Variants in SORBS2 observed in about 807,000 individuals in gnomAD.
The protein encoded by SORBS2 is sorbin and SH3 domain containing 2.
A neutral mutation model predicts 97.7 loss-of-function variants in SORBS2; 46 were observed. That is an observed-to-expected ratio of 0.47 (90% confidence interval 0.37 to 0.60). The LOEUF is 0.60. SORBS2 is among the 20% of genes least tolerant of loss of function. The probability of loss-of-function intolerance (pLI) is 0.00; values close to 1 mark genes in which losing one functional copy is unlikely to be tolerated. For missense variants in SORBS2, 1,316 were observed against 1,282.3 expected (o/e 1.03, Z -0.40); for synonymous variants, 476 against 473.4 (o/e 1.01, Z -0.07).
chr4:185,588,606 C>CCCT lies in SORBS2; in HGVS notation c.2954-921_2954-919dup, dbSNP rs769971016. Among the ~76,000 whole-genome samples, 123 of 150,904 alleles carry CCCT rather than the reference C, an allele frequency of 8.2e-4. 2 individuals carry two copies. The East Asian group carries it at 0.017, about 20-fold the overall frequency. ...TACGTTTCTCCTCCCTCCTCCTCCT[C>CCCT]CCTCCTCCTCCTCCTCCTTGTTTTT... On this transcript the variant is annotated intron_variant, in intron 14 of 14. Transcript: ENST00000418609.
chr4:185,924,590 C>T (rs1194392376), intron 1 of SORBS2, among the ~76,000 whole-genome samples: 1 of 152,176 alleles, frequency 6.6e-6, no homozygotes, highest in Non-Finnish European at 1.5e-5. Context: ...CATAACCCCA[C>T]GTGTGTAGAA....
intron 1 of SORBS2, among the ~76,000 whole-genome samples, chr4:185,905,906 CACA>C (rs1331984861): frequency 6.6e-6 from 1 of 152,228 alleles, no homozygotes; most frequent in Non-Finnish European, 1.5e-5. Flanking sequence ...TGAGAATCAA[CACA>C]ATCTCCTCTG....
chr4:185,908,079 C>T (rs549256421), intron 1 of SORBS2, among the ~76,000 whole-genome samples: 5 of 151,846 alleles, frequency 3.3e-5, no homozygotes, highest in Non-Finnish European at 5.9e-5. Flanking sequence ...GCACATTCTC[C>T]CAAAACAAGC....
At chr4:185,701,648 T>C (rs1162878228) in intron 2 of SORBS2, among the ~76,000 whole-genome samples, 1 of 152,226 alleles carries the variant, frequency 6.6e-6, no homozygotes, top group African/African-American at 2.4e-5. Context: ...AATGTTAACA[T>C]GAACTATTAT....
At chr4:185,857,120 G>A (rs1414533159) in intron 1 of SORBS2, among the ~76,000 whole-genome samples, 1 of 152,204 alleles carries the variant, frequency 6.6e-6, no homozygotes, top group Non-Finnish European at 1.5e-5. Context: ...CATGATGATG[G>A]ACTGGTGGCT....
chr4:185,911,930 G>C (rs1444305827), intron 1 of SORBS2, among the ~76,000 whole-genome samples: 2 of 152,184 alleles, frequency 1.3e-5, no homozygotes, highest in Non-Finnish European at 2.9e-5. Flanking sequence ...GCAGGGCACA[G>C]ATAAGAAATG....
chr4:185,638,839 G>A, intron 4 of SORBS2, 38 bp downstream of exon 14: 2 of 1,420,970 alleles, frequency 1.4e-6, no homozygotes, highest in Admixed American at 6.9e-5. Flanking sequence ...CTGCACCTCT[G>A]CCGGGCATGA....
chr4:185,721,127 C>T (rs1195820665), intron 2 of SORBS2, among the ~76,000 whole-genome samples: 2 of 133,300 alleles, frequency 1.5e-5, no homozygotes, highest in South Asian at 2.4e-4. Flanking sequence ...CTCACTCTGT[C>T]GCCCTGGCTG....
intron 1 of SORBS2, among the ~76,000 whole-genome samples, chr4:185,953,414 T>C (rs2310370): frequency 0.49 from 74,615 of 152,114 alleles, 18,907 homozygotes; most frequent in East Asian, 0.81. Context: ...GTCTGGTATT[T>C]CCACCCTTCC....
intron 4 of SORBS2, among the ~76,000 whole-genome samples, chr4:185,668,230 C>T (rs141050466): frequency 1.2e-4 from 18 of 152,302 alleles, no homozygotes; most frequent in African/African-American, 3.6e-4. Context: ...ACCATTGTCA[C>T]GGGTAATATG....
chr4:185,684,910 C>G lies in SORBS2; in HGVS notation c.-197-6088G>C, dbSNP rs991686055. The G allele has an allele frequency of 3.2e-6, 4 of 1,235,570 alleles. No individual in the cohort carries two copies. The African/African-American group carries it at 4.5e-5, about 14-fold the overall frequency. 76.5% of individuals were successfully genotyped at this position (1,235,570 alleles called of 1,614,324 possible). On this transcript the variant is annotated intron_variant, in intron 2 of 20. Transcript: ENST00000284776. The surrounding 1 kb of genome is among the most constrained non-coding windows in gnomAD (Gnocchi z 4.2). ...CGGGAAAAGCACGTGCAATATCATG[C>G]GTTTTAAGAGAAATGTGCCAGACAT...
chr4:185,739,144 C>T (rs1390511741), intron 2 of SORBS2, among the ~76,000 whole-genome samples: 5 of 152,222 alleles, frequency 3.3e-5, no homozygotes, highest in African/African-American at 1.2e-4. Context: ...AGCATAGGCA[C>T]ATAGGAACAC....
At position 185,623,394 on chromosome 4, in the gene SORBS2, C is replaced by G; in HGVS notation, c.1735G>C (p.Glu579Gln). The G allele has an allele frequency of 1.9e-6, 3 of 1,612,120 alleles. No homozygotes were observed. Among genetic ancestry groups the G allele is most frequent in the Non-Finnish European group, 2.5e-6 (3 of 1,180,012 alleles). Residue 579 changes from glutamate to glutamine, a missense_variant, in exon 7 of 15, where the codon GAA becomes CAA. Physicochemically the swap from Glu to Gln is conservative, Grantham distance 29. Coordinates refer to ENST00000418609, the Ensembl canonical transcript of SORBS2. This position sits in a 1 kb window ranked among gnomAD's most constrained non-coding sequence, Gnocchi z 6.4. The stretch of plus-strand genomic sequence containing the variant: ...TCGGTGTTTTCGTGTCTGGCTCTTT[C>G]GTGTTTTAACATTGTGGTAAATCGA...
chr4:185,901,464 A>G (rs1233026485), intron 1 of SORBS2, among the ~76,000 whole-genome samples: 1 of 152,168 alleles, frequency 6.6e-6, no homozygotes, highest in Non-Finnish European at 1.5e-5. Context: ...TCGGCCTCCT[A>G]AGGTGCTGAG....
chr4:185,888,059 A>ATAT lies in SORBS2; in HGVS notation c.-338+68134_-338+68136dup, dbSNP rs148021041. On this transcript the variant is annotated intron_variant, in intron 1 of 20. Coordinates refer to the SORBS2 transcript ENST00000284776. The stretch of plus-strand genomic sequence containing the variant: ...TAAACTGTATGAAACCTGACATTCT[A>ATAT]TATTATTATTATTATTATTATTTTG... 1.2e-3 allele frequency among the ~76,000 whole-genome samples: 175 copies of ATAT among 148,912 alleles called. 2 individuals are homozygous for ATAT. Among genetic ancestry groups the ATAT allele is most frequent in the Middle Eastern group, 3.5e-3 (1 of 288 alleles).
intron 2 of SORBS2, among the ~76,000 whole-genome samples, chr4:185,721,702 T>C (rs1460496691): frequency 6.6e-6 from 1 of 152,218 alleles, no homozygotes; most frequent in Admixed American, 6.5e-5. Flanking sequence ...CCCAGATCTT[T>C]CTGCATAGTC....
chr4:185,911,740 G>T (rs2099255224), intron 1 of SORBS2, among the ~76,000 whole-genome samples: 3 of 152,120 alleles, frequency 2.0e-5, no homozygotes, highest in Admixed American at 2.0e-4. Context: ...GGCACAACTG[G>T]GCAACTGTAA....
intron 13 of SORBS2, among the ~76,000 whole-genome samples, chr4:185,591,218 A>C (rs557361500): frequency 6.6e-6 from 1 of 152,278 alleles, no homozygotes; most frequent in African/African-American, 2.4e-5. Context: ...CATCCCCTAG[A>C]AAATATTGTT....
Position 185,607,356 on chromosome 4 carries a change from A to G in SORBS2, c.2796+4424T>C, listed in dbSNP as rs1477673349. ...CTGGTTCACTGGAAGCCAACTTGGA[A>G]ATGAGCACGGATTATGAAGTTAAGA... On this transcript the variant is annotated intron_variant, in intron 12 of 14. Transcript: ENST00000418609. The surrounding 1 kb of genome is among the most constrained non-coding windows in gnomAD (Gnocchi z 5.2). 2 of 1,275,506 alleles carry G rather than the reference A, an allele frequency of 1.6e-6. No homozygotes were observed. The highest frequency in any genetic ancestry group is 2.0e-6 in the Non-Finnish European group (2 of 976,400). 79.0% of individuals were successfully genotyped at this position (1,275,506 alleles called of 1,614,324 possible). A position where few individuals can be genotyped will look rare whatever the true frequency, so the allele number is the denominator to read the frequency against.
Sources: gnomAD v4.1 joint callset for allele counts (sites outside exome capture counted in the v4.1 genomes callset) on GRCh38, gnomAD v4.1.1 for gene constraint, Gnocchi (gnomAD v3.1) non-coding constraint, MANE v1.5 for transcripts, NCBI Gene and HGNC (gene_info 2026-07-23, HGNC 2026-07-21) for gene names.